Variants in TCF12 observed in about 807,000 individuals in gnomAD.
TCF12 encodes transcription factor 12.
A neutral mutation model predicts 86.0 loss-of-function variants in TCF12; 45 were observed. The observed-to-expected ratio is 0.52, with a 90% CI of 0.41 to 0.67. TCF12 has a LOEUF of 0.67. TCF12 is among the 30% of genes least tolerant of loss of function. The pLI is 0.00. For synonymous variants in TCF12, 330 were observed against 299.6 expected (o/e 1.10, Z -1.05); for missense variants, 881 against 859.9 (o/e 1.02, Z -0.31).
intron 3 of TCF12, among the ~76,000 whole-genome samples, chr15:56,971,338 A>G (rs1171541536): frequency 6.6e-6 from 1 of 152,046 alleles, no homozygotes; most frequent in Non-Finnish European, 1.5e-5. Context: ...TGAGATAGAG[A>G]ATCGCTTGAA....
chr15:56,927,771 C>T (rs1648799342), intron 3 of TCF12, among the ~76,000 whole-genome samples: 4 of 152,102 alleles, frequency 2.6e-5, no homozygotes, highest in Admixed American at 2.6e-4. Flanking sequence ...GGGAAATGAA[C>T]ACAGAGGGAG....
rs1597733277 is a variant in TCF12, at chr15:57,263,420, C to CCA, written c.1745+149_1745+150dup. 5.2e-6 allele frequency: 4 copies of CCA among 775,698 alleles called. No homozygotes were observed. In the East Asian group the frequency reaches 1.1e-4, roughly 21 times the overall value. The allele number at this position is 775,698 out of a possible 1,614,324, so 48.1% of individuals were successfully genotyped here. A position where few individuals can be genotyped will look rare whatever the true frequency, so the allele number is the denominator to read the frequency against. On this transcript the variant is annotated intron_variant, in intron 18 of 20. Transcript: ENST00000333725. ...TTGTGTATGTTGTCTCATTTAATCA[C>CCA]CACATCATCTCTATAAAAGAGAAGT...
intron 8 of TCF12, among the ~76,000 whole-genome samples, chr15:57,226,564 G>A (rs1057387154): frequency 1.1e-4 from 17 of 152,114 alleles, no homozygotes; most frequent in Admixed American, 6.5e-5. Flanking sequence ...TCTAACAGAA[G>A]CCCAAACATA....
chr15:57,260,109 ATTATGT>A (rs1299060226), intron 16 of TCF12, among the ~76,000 whole-genome samples: 10 of 152,188 alleles, frequency 6.6e-5, no homozygotes, highest in Non-Finnish European at 1.3e-4. Flanking sequence ...TTGTAAGCTA[ATTATGT>A]TTAAGTTCGT....
intron 6 of TCF12, 61 bp downstream of exon 6, chr15:57,166,527 A>G: frequency 7.2e-7 from 1 of 1,382,922 alleles, no homozygotes; most frequent in Non-Finnish European, 1.0e-6. Flanking sequence ...TAAAGGCTCT[A>G]TTAATAGATG....
chr15:57,035,026 C>T (rs546938429), intron 3 of TCF12, among the ~76,000 whole-genome samples: 20 of 152,128 alleles, frequency 1.3e-4, no homozygotes, highest in Middle Eastern at 3.4e-3. Flanking sequence ...CAGATCACTG[C>T]GCATATATTA....
intron 18 of TCF12, among the ~76,000 whole-genome samples, chr15:57,264,704 C>G (rs778242293): frequency 6.6e-5 from 10 of 152,080 alleles, no homozygotes; most frequent in Non-Finnish European, 1.0e-4. Flanking sequence ...AGGAAGCTGT[C>G]TCTCCTAAGG....
chr15:57,048,112 T>G (rs2067354876), intron 3 of TCF12, among the ~76,000 whole-genome samples: 1 of 152,266 alleles, frequency 6.6e-6, no homozygotes, highest in Non-Finnish European at 1.5e-5. Flanking sequence ...ACCTTTCATC[T>G]GCATTAAATT....
intron 3 of TCF12, among the ~76,000 whole-genome samples, 199 bp downstream of exon 3, chr15:56,921,297 G>A (rs951637191): frequency 3.2e-4 from 48 of 152,090 alleles, no homozygotes; most frequent in Admixed American, 1.9e-3. Flanking sequence ...CAGTAGTTTC[G>A]TTTACAATTA....
chr15:57,086,777 T>C (rs959147495), intron 4 of TCF12, among the ~76,000 whole-genome samples: 5 of 151,462 alleles, frequency 3.3e-5, no homozygotes, highest in African/African-American at 1.2e-4. Context: ...AAAACAGTGG[T>C]TTCTTTTTTT....
chr15:57,222,810 G>A (rs1277759579), intron 8 of TCF12, among the ~76,000 whole-genome samples: 2 of 87,168 alleles, frequency 2.3e-5, no homozygotes, highest in African/African-American at 8.2e-5. Context: ...TAAGATTCTG[G>A]AGTGCCTTAC....
chr15:57,116,795 TTTTA>T (rs1205396973), intron 5 of TCF12, among the ~76,000 whole-genome samples: 5 of 152,220 alleles, frequency 3.3e-5, no homozygotes, highest in Non-Finnish European at 7.3e-5. Flanking sequence ...TGCTTCGTTA[TTTTA>T]TTTTTCTCTA....
At chr15:57,250,271 G>A (rs1014943103) in intron 13 of TCF12, among the ~76,000 whole-genome samples, 1 of 152,060 alleles carries the variant, frequency 6.6e-6, no homozygotes, top group African/African-American at 2.4e-5. Flanking sequence ...TTGTCCTTAC[G>A]TTAATATATT....
At chr15:56,949,081 A>T (rs1379121650) in intron 3 of TCF12, among the ~76,000 whole-genome samples, 1 of 152,216 alleles carries the variant, frequency 6.6e-6, no homozygotes, top group African/African-American at 2.4e-5. Context: ...ACAGTTGTTA[A>T]CTATAAAAAA....
intron 3 of TCF12, among the ~76,000 whole-genome samples, chr15:56,973,481 CTA>C (rs1159529304): frequency 1.3e-5 from 2 of 152,010 alleles, no homozygotes; most frequent in African/African-American, 4.8e-5. Context: ...AAATAAGAAT[CTA>C]TGAGTACATA....
chr15:57,235,670 C>A (rs748649084), intron 12 of TCF12, among the ~76,000 whole-genome samples: 7 of 152,222 alleles, frequency 4.6e-5, no homozygotes, highest in Admixed American at 1.3e-4. Flanking sequence ...CATATTCCTT[C>A]TCCTGATTCT....
intron 5 of TCF12, among the ~76,000 whole-genome samples, chr15:57,146,549 A>T (rs1271931649): frequency 6.6e-6 from 1 of 152,212 alleles, no homozygotes; most frequent in Non-Finnish European, 1.5e-5. Flanking sequence ...TAAGGAAATG[A>T]ATACCGGATT....
intron 3 of TCF12, among the ~76,000 whole-genome samples, chr15:56,925,294 A>C (rs1161734575): frequency 7.9e-6 from 1 of 126,380 alleles, no homozygotes; most frequent in Non-Finnish European, 1.6e-5. Flanking sequence ...TGGATTTGAA[A>C]AACAATTTGA....
chr15:57,284,813 G>GT (rs1455090417), intron 20 of TCF12, among the ~76,000 whole-genome samples: 25 of 152,020 alleles, frequency 1.6e-4, no homozygotes, highest in African/African-American at 5.6e-4. Flanking sequence ...GTTTCCTTCT[G>GT]TTTACTTCCT....
Sources: gnomAD v4.1 joint callset for allele counts (sites outside exome capture counted in the v4.1 genomes callset) on GRCh38, gnomAD v4.1.1 for gene constraint, MANE v1.5 for transcripts, NCBI Gene and HGNC (gene_info 2026-07-23, HGNC 2026-07-21) for gene names.